SAMD4A: variants seen among roughly 807,000 people sequenced by gnomAD.
SAMD4A encodes sterile alpha motif domain containing 4A.
Under a neutral mutation model 81.3 loss-of-function variants are expected in SAMD4A, and 33 were observed. That is an observed-to-expected ratio of 0.41 (90% CI 0.31 to 0.54). The LOEUF is 0.54. Among genes scored for constraint, SAMD4A ranks in the 20% least tolerant of loss-of-function variants. The pLI is 0.37. For synonymous variants in SAMD4A, 389 were observed against 382.1 expected (o/e 1.02, Z -0.21); for missense variants, 854 against 951.1 (o/e 0.90, Z 1.34).
In SAMD4A at chr14:54,734,285, C is replaced by T. The variant is rs114823901; in HGVS notation, c.716-2739C>T. ...TGTGGCATTCAGCCTGGCTCTAAAC[C>T]CACGGCCCTGTCTGCAAATCAGAAG... On this transcript the variant is annotated intron_variant, in intron 3 of 12. Coordinates refer to ENST00000554335, the MANE Select transcript of SAMD4A (RefSeq NM_015589.6). Among the ~76,000 whole-genome samples, 1,165 of 152,332 alleles carry T rather than the reference C, an allele frequency of 7.6e-3. 16 individuals carry two copies. Among genetic ancestry groups the T allele is most frequent in the African/African-American group, 0.027 (1,128 of 41,564 alleles).
chr14:54,770,533 TG>T (rs573635832), intron 9 of SAMD4A, among the ~76,000 whole-genome samples: 23 of 152,226 alleles, frequency 1.5e-4, no homozygotes, highest in Non-Finnish European at 2.2e-4. Flanking sequence ...AAACACAGGA[TG>T]GCTTACCCAC....
chr14:54,568,221 G>T lies in SAMD4A; in HGVS notation c.196+109G>T, dbSNP rs549284151. On this transcript the variant is annotated intron_variant, in intron 2 of 12. Transcript: ENST00000554335. Reference sequence around the variant, plus strand: ...GGCCAGTCCCTGCCAGCCGCGCCGGGACCTGGACGGCGTGGCCCCGAGGCC... The same window carrying T: ...GGCCAGTCCCTGCCAGCCGCGCCGGTACCTGGACGGCGTGGCCCCGAGGCC... 3.7e-5 allele frequency: 40 copies of T among 1,071,228 alleles called. 2 individuals are homozygous for T. In the South Asian group the frequency reaches 7.6e-4, roughly 20 times the overall value. The allele number at this position is 1,071,228 out of a possible 1,614,324, so 66.4% of individuals were successfully genotyped here.
rs1380377672 is a variant in SAMD4A at position 54,775,802 on chromosome 14, C to G, written c.1918-612C>G. 1.8e-4 allele frequency among the ~76,000 whole-genome samples: 28 copies of G among 151,936 alleles called. 1 individual carries two copies. The highest frequency in any genetic ancestry group is 1.8e-3 in the Admixed American group (28 of 15,252). Reference sequence around the variant, plus strand: ...CAGGAGAAACTAAGGGATGACAGATCAGCTTAAAAACAGGAAAAGGGCTTC... The same window carrying G: ...CAGGAGAAACTAAGGGATGACAGATGAGCTTAAAAACAGGAAAAGGGCTTC... On this transcript the variant is annotated intron_variant, in intron 10 of 12. Transcript: ENST00000554335.
rs75736659 is a variant in SAMD4A at position 54,755,357 on chromosome 14, G to C, written c.1176+3820G>C. On this transcript the variant is annotated intron_variant, in intron 6 of 12. Coordinates refer to ENST00000554335, the MANE Select transcript of SAMD4A (RefSeq NM_015589.6). ...GTCAGTGGCCGGAAGAGCAGGTCTAGAGTCCAGGAGCCCCACAAGGTTTGA... is the reference window on the plus strand; with the variant it reads ...GTCAGTGGCCGGAAGAGCAGGTCTACAGTCCAGGAGCCCCACAAGGTTTGA... Among the ~76,000 whole-genome samples, 1,244 of 152,306 alleles carry C rather than the reference G, an allele frequency of 8.2e-3. 14 individuals are homozygous for C. The highest frequency in any genetic ancestry group is 0.028 in the African/African-American group (1,171 of 41,550).
upstream of SAMD4A, among the ~76,000 whole-genome samples, chr14:54,565,364 G>A (rs1458944525): frequency 6.6e-6 from 1 of 152,234 alleles, no homozygotes; most frequent in African/African-American, 2.4e-5. The surrounding 1 kb of genome is among the most constrained non-coding windows in gnomAD (Gnocchi z 5.4). Flanking sequence ...CCGGTCTCAG[G>A]AGTTCGGCCA....
intron 3 of SAMD4A, among the ~76,000 whole-genome samples, chr14:54,712,867 G>T (rs1281719918): frequency 6.6e-6 from 1 of 152,108 alleles, no homozygotes; most frequent in Non-Finnish European, 1.5e-5. Context: ...AGACAGTTGT[G>T]TTCTCATTCC....
At position 54,708,760 on chromosome 14, in the gene SAMD4A, A is replaced by C. The variant is rs181090322; in HGVS notation, c.715+6180A>C. 5.9e-5 allele frequency among the ~76,000 whole-genome samples: 9 copies of C among 152,328 alleles called. No individual in the cohort carries two copies. The East Asian group carries it at 1.5e-3, about 26-fold the overall frequency. On this transcript the variant is annotated intron_variant, in intron 3 of 12. Transcript: ENST00000554335. ...ATGTTACAGATAGGTTAATGAGATG[A>C]AGACCAAGGATTGACCACTGGATTT...
intron 2 of SAMD4A, among the ~76,000 whole-genome samples, chr14:54,595,032 T>A (rs1004626494): frequency 6.6e-6 from 1 of 152,244 alleles, no homozygotes; most frequent in Non-Finnish European, 1.5e-5. Context: ...AAAAAATACC[T>A]ACTCTGTGCC....
intron 2 of SAMD4A, among the ~76,000 whole-genome samples, chr14:54,688,747 G>A (rs886087177): frequency 6.6e-6 from 1 of 151,920 alleles, no homozygotes; most frequent in Non-Finnish European, 1.5e-5. Flanking sequence ...CTTTCTCCTG[G>A]TAAGAAATCA....
At chr14:54,756,224 G>A (rs764236833) in intron 6 of SAMD4A, among the ~76,000 whole-genome samples, 4 of 152,148 alleles carry the variant, frequency 2.6e-5, no homozygotes, top group African/African-American at 7.2e-5. Flanking sequence ...ACTTCCTAAG[G>A]TAATCAGGAG....
chr14:54,717,613 A>G (rs1163319010), intron 3 of SAMD4A, among the ~76,000 whole-genome samples: 1 of 152,148 alleles, frequency 6.6e-6, no homozygotes, highest in Non-Finnish European at 1.5e-5. Context: ...AGATTTGTTT[A>G]CTTTTGGCAA....
intron 3 of SAMD4A, among the ~76,000 whole-genome samples, chr14:54,724,314 C>A (rs543847865): frequency 9.2e-5 from 14 of 152,282 alleles, no homozygotes; most frequent in African/African-American, 3.4e-4. Context: ...ATTTTGAACT[C>A]TGGCTCTTTC....
At chr14:54,695,557 C>A (rs2036553175) in intron 2 of SAMD4A, among the ~76,000 whole-genome samples, 1 of 152,216 alleles carries the variant, frequency 6.6e-6, no homozygotes, top group African/African-American at 2.4e-5. Flanking sequence ...GTCACATAGA[C>A]CAGCTCTCAT....
intron 3 of SAMD4A, among the ~76,000 whole-genome samples, chr14:54,733,393 T>G (rs1367317374): frequency 6.6e-6 from 1 of 152,198 alleles, no homozygotes; most frequent in African/African-American, 2.4e-5. Flanking sequence ...CAAGCAATTT[T>G]GGATTCATAC....
At chr14:54,636,932 G>T (rs773710910) in intron 2 of SAMD4A, among the ~76,000 whole-genome samples, 1 of 152,130 alleles carries the variant, frequency 6.6e-6, no homozygotes, top group Non-Finnish European at 1.5e-5. Flanking sequence ...AAAAGAGACC[G>T]ATCAAGGGGG....
At position 54,674,871 on chromosome 14, in the gene SAMD4A, C is replaced by G. The variant is rs2035956887; in HGVS notation, c.197-27191C>G. On this transcript the variant is annotated intron_variant, in intron 2 of 12. Coordinates refer to ENST00000554335, the MANE Select transcript of SAMD4A (RefSeq NM_015589.6). ...TCAAGTGATCCTCCCACCTCAGCCTCTTGAGTACTGGGAATATTAGGCCCG... is the reference window on the plus strand; with the variant it reads ...TCAAGTGATCCTCCCACCTCAGCCTGTTGAGTACTGGGAATATTAGGCCCG... 3.9e-5 allele frequency among the ~76,000 whole-genome samples: 6 copies of G among 152,316 alleles called. No individual in the cohort carries two copies. In the South Asian group the frequency reaches 1.2e-3, roughly 32 times the overall value.
At chr14:54,606,977 G>A (rs570124495) in intron 2 of SAMD4A, among the ~76,000 whole-genome samples, 3 of 152,340 alleles carry the variant, frequency 2.0e-5, no homozygotes, top group African/African-American at 7.2e-5. Flanking sequence ...GCCTGCCAGT[G>A]GAGATTCTCA....
At chr14:54,708,105 T>G (rs1951439) in intron 3 of SAMD4A, among the ~76,000 whole-genome samples, 133,047 of 152,238 alleles carry the variant, frequency 0.87, 58,674 homozygotes, top group East Asian at 0.98. Flanking sequence ...CAGTTAAGAG[T>G]CTGTTGCAGT....
chr14:54,741,473 C>T (rs1299823433), intron 4 of SAMD4A, among the ~76,000 whole-genome samples: 1 of 152,220 alleles, frequency 6.6e-6, no homozygotes, highest in African/African-American at 2.4e-5. Flanking sequence ...TCACAGGTTA[C>T]TTTTGTCCTC....
Sources: allele counts gnomAD v4.1 joint callset (sites outside exome capture counted in the v4.1 genomes callset), GRCh38; gene constraint gnomAD v4.1.1; non-coding constraint Gnocchi (gnomAD v3.1); transcripts MANE v1.5; gene names NCBI Gene and HGNC (gene_info 2026-07-23, HGNC 2026-07-21).